The following PNPLA6 variants were observed in gnomAD, a reference collection of about 807,000 sequenced individuals.
PNPLA6 encodes the protein patatin like domain 6, lysophospholipase.
In PNPLA6, 105 loss-of-function variants were observed where a neutral mutation model predicts 153.7. The observed-to-expected ratio is 0.68, with a 90% confidence interval of 0.58 to 0.80. The LOEUF is 0.80. Ranked by LOEUF, PNPLA6 falls within the 30% of genes least tolerant of loss-of-function variation. The pLI is 0.00. For synonymous variants in PNPLA6, 825 were observed against 822.2 expected (o/e 1.00, Z -0.06); for missense variants, 1,423 against 1,919.3 (o/e 0.74, Z 4.83).
In PNPLA6 at chr19:7,540,829, C is replaced by T. The variant is rs2023099527; in HGVS notation, c.796-94C>T. 27 of 1,581,076 alleles carry T rather than the reference C, an allele frequency of 1.7e-5. No individual in the cohort carries two copies. Among genetic ancestry groups the T allele is most frequent in the Non-Finnish European group, 2.2e-5 (25 of 1,150,806 alleles). On this transcript the variant is annotated intron_variant, in intron 6 of 31. Transcript: ENST00000600737. This position sits in a 1 kb window ranked among gnomAD's most constrained non-coding sequence, Gnocchi z 6.8. ...TTCATCCGTTATGCTGCCGATGGCC[C>T]CTCACGGGACTGGCGCCAGGAAGGA... is the stretch of plus-strand genomic sequence containing the variant.
Position 7,541,489 on chromosome 19 carries a change from C to T in PNPLA6, c.1006-33C>T. The T allele has an allele frequency of 6.2e-7, 1 of 1,612,104 alleles. No homozygotes were observed. The highest frequency in any genetic ancestry group is 8.5e-7 in the Non-Finnish European group (1 of 1,179,228). ...GGGGATGGGGGCGAGGTCTCCCTCC[C>T]AGGACAGGCCACAAGCTGTTCTCTG... On this transcript the variant is annotated intron_variant, in intron 8 of 31. Coordinates refer to ENST00000600737, the MANE Select transcript of PNPLA6 (RefSeq NM_001166114.2). The surrounding 1 kb of genome is among the most constrained non-coding windows in gnomAD (Gnocchi z 5.2).
chr19:7,538,874 G>A lies in PNPLA6; in HGVS notation c.414-1044G>A, dbSNP rs774894648. ...CTACTCTGTGACTACTGGAAGGACC[G>A]TTTCAGGACCCCCATGATAAACACA... On this transcript the variant is annotated intron_variant, in intron 3 of 31. Transcript: ENST00000600737. Among the ~76,000 whole-genome samples, 7 of 152,194 alleles carry A rather than the reference G, an allele frequency of 4.6e-5. No individual in the cohort carries two copies. In the South Asian group the frequency reaches 6.2e-4, roughly 13 times the overall value.
At position 7,542,753 on chromosome 19, in the gene PNPLA6, C is replaced by G; in HGVS notation, c.1363-8C>G. ...AGCATCAGGAGGTCACAAGCCTGCC[C>G]CACTCAGACCCCCACTCAGGAGCCT... On this transcript the variant is annotated splice_region_variant and splice_polypyrimidine_tract_variant and intron_variant, in intron 11 of 31. Coordinates refer to ENST00000600737, the MANE Select transcript of PNPLA6 (RefSeq NM_001166114.2). 6.2e-7 allele frequency: 1 copy of G among 1,612,902 alleles called. No individual in the cohort carries two copies. The highest frequency in any genetic ancestry group is 8.5e-7 in the Non-Finnish European group (1 of 1,179,880).
At position 7,541,277 on chromosome 19, in the gene PNPLA6, C is replaced by G. The variant is rs1351352114; in HGVS notation, c.925-77C>G. On this transcript the variant is annotated intron_variant, in intron 7 of 31. Coordinates refer to ENST00000600737, the MANE Select transcript of PNPLA6 (RefSeq NM_001166114.2). This position sits in a 1 kb window ranked among gnomAD's most constrained non-coding sequence, Gnocchi z 5.2. Reference sequence around the variant, plus strand: ...GGTTCCCGCCCGACCCCTTATGCTGCGAACTAGCCCGGCCCACCATCTGGC... The same window carrying G: ...GGTTCCCGCCCGACCCCTTATGCTGGGAACTAGCCCGGCCCACCATCTGGC... 1 of 1,344,374 alleles carries G rather than the reference C, an allele frequency of 7.4e-7. No homozygotes were observed. Among genetic ancestry groups the G allele is most frequent in the Non-Finnish European group, 1.1e-6 (1 of 952,198 alleles). 83.3% of individuals were successfully genotyped at this position (1,344,374 alleles called of 1,614,324 possible).
At position 7,556,723 on chromosome 19, in the gene PNPLA6, T is replaced by C. The variant is rs1235524562; in HGVS notation, c.3279T>C (p.Asp1093=). 1.2e-6 allele frequency: 2 copies of C among 1,611,678 alleles called. No homozygotes were observed. Among genetic ancestry groups the C allele is most frequent in the African/African-American group, 2.7e-5 (2 of 74,860 alleles). Residue 1093 remains aspartate (D), a splice_region_variant and synonymous_variant, in exon 26 of 32, where the codon GAT becomes GAC. Transcript: ENST00000600737. ...ITASAMRVHK[D]GSLWRYVRAS... ...CCTCAGCCATGCGAGTCCACAAAGA[T>C]GGTGGGTGTCCCCGCCCAGCCTGCA...
Position 7,560,763 on chromosome 19 carries a change from A to G in PNPLA6, c.3815A>G (p.Asp1272Gly). ...GACCTTAATGAGAGCCGCCGTGCAGACGTAAGCCTGTGATGCCCCCAGGGC... is the reference window on the plus strand; with the variant it reads ...GACCTTAATGAGAGCCGCCGTGCAGGCGTAAGCCTGTGATGCCCCCAGGGC... ...STDLNESRRA[D>G]VLAFPSSGFT... Residue 1272 changes from aspartate (D) to glycine (G), a missense_variant and splice_region_variant, in exon 29 of 32, where the codon GAC (aspartate) becomes GGC (glycine). By Grantham distance (94) the Asp-to-Gly change is moderately conservative. Transcript: ENST00000600737. The G allele has an allele frequency of 6.3e-7, 1 of 1,594,526 alleles. No individual in the cohort carries two copies.
intron 27 of PNPLA6, chr19:7,557,528 A>G (rs2023935728): frequency 1.8e-6 from 1 of 542,908 alleles, no homozygotes; most frequent in African/African-American, 1.9e-5. Context: ...TCAGCCTGGA[A>G]TCCCAGCACT....
Position 7,550,022 on chromosome 19 carries a change from TG to T in PNPLA6, c.1726del (p.Ala576ArgfsTer40). 1 of 1,614,074 alleles carries T rather than the reference TG, an allele frequency of 6.2e-7. No homozygotes were observed. The highest frequency in any genetic ancestry group is 1.3e-5 in the African/African-American group (1 of 75,072). On this transcript the variant is annotated frameshift_variant, in exon 14 of 32. Transcript: ENST00000600737. LOFTEE classifies it high-confidence loss of function. ...VAQPGELVGQ[L>X]AVLTGEPLIF... ...CAGCCCGGGGAACTGGTGGGGCAGC[TG>T]GCGGTGCTCACTGGCGAACCTCTCA...
rs769668311 is a variant in PNPLA6, at chr19:7,555,712, G to C, written c.3042G>C (p.Ala1014=). ...SIGSFIGALY[A]EERSASRTKQ... ...GCTCTTTCATCGGAGCGTTGTACGC[G>C]GAGGAGCGCAGCGCCAGCCGCACGA... Residue 1014 remains alanine (A), a synonymous_variant, in exon 24 of 32, where the codon GCG becomes GCC. Coordinates refer to ENST00000600737, the MANE Select transcript of PNPLA6 (RefSeq NM_001166114.2). The surrounding 1 kb of genome is among the most constrained non-coding windows in gnomAD (Gnocchi z 6.3). 5.0e-6 allele frequency: 8 copies of C among 1,613,878 alleles called. No homozygotes were observed. The East Asian group carries it at 1.6e-4, about 31-fold the overall frequency.
At chr19:7,534,295 A>T (rs902795114), upstream of PNPLA6, 4 of 242,152 alleles carry the variant, frequency 1.7e-5, no homozygotes, top group Non-Finnish European at 3.3e-5. Flanking sequence ...GTCGTTAGCG[A>T]GCCTCCGCTT....
Position 7,547,811 on chromosome 19 carries a change from A to ATT in PNPLA6, c.1609-2065_1609-2064dup, listed in dbSNP as rs71286227. ...TGCTACCATGCCTGGCTAATTAAAA[A>ATT]TTTTTTTTTTTTTTTTTTTTTTTTT... On this transcript the variant is annotated intron_variant, in intron 13 of 31. Transcript: ENST00000600737. 5.1e-3 allele frequency among the ~76,000 whole-genome samples: 589 copies of ATT among 114,404 alleles called. 10 individuals carry two copies. Among genetic ancestry groups the ATT allele is most frequent in the African/African-American group, 0.013 (379 of 28,606 alleles). 75.1% of individuals were successfully genotyped at this position (114,404 alleles called of 152,430 possible).
At chr19:7,553,397 G>C (rs2023739956) in intron 18 of PNPLA6, among the ~76,000 whole-genome samples, 1 of 152,342 alleles carries the variant, frequency 6.6e-6, no homozygotes, top group Middle Eastern at 3.4e-3. Context: ...GATTACAGGT[G>C]TATGCCACCA....
At position 7,536,186 on chromosome 19, in the gene PNPLA6, C is replaced by G. The variant is rs1217092543; in HGVS notation, c.233-5C>G. ...CGGAGTGCCCCTGTCCCCACCTATC[C>G]CCAGAAACCCCAGCCCCGGATGGCC... On this transcript the variant is annotated splice_region_variant and splice_polypyrimidine_tract_variant and intron_variant, in intron 1 of 31. Transcript: ENST00000600737. 4 of 1,606,892 alleles carry G rather than the reference C, an allele frequency of 2.5e-6. No individual in the cohort carries two copies. The East Asian group carries it at 8.9e-5, about 36-fold the overall frequency.
chr19:7,557,344 ACGCGTGGG>A, intron 27 of PNPLA6, 60 bp downstream of exon 27: 17 of 1,023,778 alleles, frequency 1.7e-5, no homozygotes, highest in Non-Finnish European at 2.6e-5. Flanking sequence ...ACACACGCAC[ACGCGTGGG>A]CACACACAGA....
intron 31 of PNPLA6, 42 bp downstream of exon 31, chr19:7,561,359 G>C (rs778266817): frequency 6.7e-7 from 1 of 1,484,468 alleles, no homozygotes; most frequent in Non-Finnish European, 9.3e-7. Context: ...TCCCCCAGAG[G>C]GTCATGAGTA....
chr19:7,534,165 A>G, upstream of PNPLA6: 1 of 383,786 alleles, frequency 2.6e-6, no homozygotes, highest in Non-Finnish European at 4.9e-6. Flanking sequence ...GAATAATTTA[A>G]AGGGGCCGTG....
At position 7,555,292 on chromosome 19, in the gene PNPLA6, A is replaced by C. The variant is rs1267543117; in HGVS notation, c.2861A>C (p.His954Pro). The change falls in exon 23 of 32, where the codon CAC becomes CCC. Residue 954 changes from histidine to proline, a missense_variant. Physicochemically the swap from His to Pro is moderately conservative, Grantham distance 77. Transcript: ENST00000600737. The surrounding 1 kb of genome is among the most constrained non-coding windows in gnomAD (Gnocchi z 6.3). ...EKVFSRRADRHSDFSRLARVL... is the reference protein window; with the variant it reads ...EKVFSRRADRPSDFSRLARVL... ...GTTTTCTCCAGGCGCGCGGACCGGC[A>C]CAGCGACTTCTCCCGCTTGGCGAGG... 1 of 1,593,378 alleles carries C rather than the reference A, an allele frequency of 6.3e-7. No homozygotes were observed. Among genetic ancestry groups the C allele is most frequent in the South Asian group, 1.1e-5 (1 of 87,830 alleles).
rs1407111266 is a variant in PNPLA6, at chr19:7,561,554, G to A, written c.4090G>A (p.Asp1364Asn). The A allele has an allele frequency of 1.2e-6, 2 of 1,601,786 alleles. No homozygotes were observed. Among genetic ancestry groups the A allele is most frequent in the Non-Finnish European group, 8.5e-7 (1 of 1,175,684 alleles). Residue 1364 changes from aspartate to asparagine, a missense_variant, in exon 32 of 32, where the codon GAT becomes AAT. Transcript: ENST00000600737. ...LPQEPPGSATDA is the reference protein window; with the variant it reads ...LPQEPPGSATNA ...CCAGGAGCCGCCCGGCTCAGCCACA[G>A]ATGCCTGAGGACCTCGACAGGGGTC...
intron 29 of PNPLA6, 56 bp from the exon 30 acceptor site, chr19:7,560,958 G>C (rs2024073520): frequency 8.5e-7 from 1 of 1,171,810 alleles, no homozygotes; most frequent in South Asian, 1.3e-5. Flanking sequence ...GGGCCCCCCA[G>C]GGGCCCCAAG....
Sources: gnomAD v4.1 joint callset for allele counts (sites outside exome capture counted in the v4.1 genomes callset) on GRCh38, gnomAD v4.1.1 for gene constraint, Gnocchi (gnomAD v3.1) non-coding constraint, MANE v1.5 for transcripts, NCBI Gene and HGNC (gene_info 2026-07-23, HGNC 2026-07-21) for gene names.